Variants in MAF observed in about 807,000 individuals in gnomAD.
The protein encoded by MAF is MAF bZIP transcription factor, also known as transcription factor Maf.
In MAF, 10 loss-of-function variants were observed where a neutral mutation model predicts 22.0. The ratio of observed to expected loss-of-function variants is 0.45; its 90% CI spans 0.28 to 0.77. The LOEUF (loss-of-function observed/expected upper bound fraction) is 0.77. Ranked by LOEUF, MAF falls within the 30% of genes least tolerant of loss-of-function variation. MAF has a pLI of 0.12. For synonymous variants in MAF, 337 were observed against 255.8 expected (o/e 1.32, Z -3.03); for missense variants, 544 against 548.4 (o/e 0.99, Z 0.08).
the MAF span, among the ~76,000 whole-genome samples, chr16:79,399,377 G>T: frequency 6.6e-6 from 1 of 152,186 alleles, no homozygotes; most frequent in Non-Finnish European, 1.5e-5. Flanking sequence ...AGGGAGCACT[G>T]CTCACCCTTT....
chr16:79,405,322 G>A, the MAF span, among the ~76,000 whole-genome samples: 1 of 152,202 alleles, frequency 6.6e-6, no homozygotes, highest in Non-Finnish European at 1.5e-5. Flanking sequence ...TCCTCTGGGT[G>A]AAGAAATTCA....
the MAF span, among the ~76,000 whole-genome samples, chr16:79,222,377 A>G: frequency 6.6e-6 from 1 of 152,222 alleles, no homozygotes; most frequent in Non-Finnish European, 1.5e-5. Context: ...CAGCCACTGC[A>G]AAAAGATACC....
At chr16:79,405,645 C>T in the MAF span, among the ~76,000 whole-genome samples, 1 of 152,092 alleles carries the variant, frequency 6.6e-6, no homozygotes. Flanking sequence ...ACATTTAGGT[C>T]CTGAAGAAAG....
the MAF span, among the ~76,000 whole-genome samples, chr16:79,321,659 T>C: frequency 7.0e-6 from 1 of 142,820 alleles, no homozygotes; most frequent in Non-Finnish European, 1.5e-5. Flanking sequence ...TTTTTTTTTT[T>C]TTTTTTTTTG....
the MAF span, chr16:79,205,506 T>G: frequency 6.6e-6 from 1 of 152,236 alleles, no homozygotes; most frequent in Non-Finnish European, 1.5e-5. Flanking sequence ...AGAGTTGGCA[T>G]GGGATCTAAA....
chr16:79,558,298 G>A, the MAF span, among the ~76,000 whole-genome samples: 17 of 152,058 alleles, frequency 1.1e-4, no homozygotes, highest in African/African-American at 4.1e-4. Context: ...AGAGAAAGAA[G>A]AAAGAAGGAA....
chr16:79,239,068 T>C, the MAF span, among the ~76,000 whole-genome samples: 378 of 152,164 alleles, frequency 2.5e-3, 2 homozygotes, highest in African/African-American at 8.7e-3. Flanking sequence ...CTCCCACTGT[T>C]GTAGTTTGCA....
the MAF span, among the ~76,000 whole-genome samples, chr16:79,295,605 A>C: frequency 1.3e-5 from 2 of 152,222 alleles, no homozygotes; most frequent in Non-Finnish European, 2.9e-5. Flanking sequence ...AAATTATGTA[A>C]TGAGGCAGCT....
the MAF span, among the ~76,000 whole-genome samples, chr16:79,211,237 C>A: frequency 2.2e-4 from 34 of 152,208 alleles, no homozygotes; most frequent in South Asian, 7.1e-3. Flanking sequence ...TTACATTATA[C>A]ATGGAGAAGT....
chr16:79,297,354 C>G, the MAF span, among the ~76,000 whole-genome samples: 2 of 152,274 alleles, frequency 1.3e-5, no homozygotes, highest in African/African-American at 4.8e-5. Context: ...ATTGATTCAG[C>G]ATTTAATGAA....
chr16:79,508,618 C>T, the MAF span, among the ~76,000 whole-genome samples: 1 of 152,228 alleles, frequency 6.6e-6, no homozygotes, highest in African/African-American at 2.4e-5. Context: ...CAACAGCTAC[C>T]ATCCTACCAG....
At chr16:79,289,834 G>C in the MAF span, among the ~76,000 whole-genome samples, 1 of 146,670 alleles carries the variant, frequency 6.8e-6, no homozygotes, top group African/African-American at 2.5e-5. Context: ...ATGAACAAAA[G>C]GCAGGATGTT....
At chr16:79,471,122 C>G in the MAF span, among the ~76,000 whole-genome samples, 2 of 152,308 alleles carry the variant, frequency 1.3e-5, no homozygotes, top group East Asian at 3.9e-4. Flanking sequence ...ACCTGGCCTG[C>G]CTTCCTGCTG....
chr16:79,584,827 G>C (rs1195491403), downstream of MAF, among the ~76,000 whole-genome samples: 1 of 152,112 alleles, frequency 6.6e-6, no homozygotes, highest in Non-Finnish European at 1.5e-5. Context: ...TCACAATCCA[G>C]TAATTTAAAG....
the MAF span, among the ~76,000 whole-genome samples, chr16:79,246,839 T>G: frequency 6.6e-6 from 1 of 152,150 alleles, no homozygotes; most frequent in Admixed American, 6.5e-5. Flanking sequence ...CATCCATCCA[T>G]CCATCCATCC....
chr16:79,552,192 T>C, the MAF span, among the ~76,000 whole-genome samples: 1 of 151,122 alleles, frequency 6.6e-6, no homozygotes, highest in East Asian at 2.0e-4. Flanking sequence ...CTTGTTCTTC[T>C]GAACCTTGGC....
chr16:79,437,347 G>A, the MAF span, among the ~76,000 whole-genome samples: 44 of 152,254 alleles, frequency 2.9e-4, no homozygotes, highest in South Asian at 3.5e-3. Context: ...ACATGAAGAC[G>A]TACATTACAG....
the MAF span, among the ~76,000 whole-genome samples, chr16:79,326,138 A>G: frequency 6.6e-6 from 1 of 152,226 alleles, no homozygotes; most frequent in South Asian, 2.1e-4. Context: ...TGAAGACTTC[A>G]ATAATTTATT....
chr16:79,370,354 C>G, the MAF span, among the ~76,000 whole-genome samples: 1 of 152,020 alleles, frequency 6.6e-6, no homozygotes, highest in African/African-American at 2.4e-5. Flanking sequence ...CCTTAAAACA[C>G]CCCCAAAATC....
Sources: gnomAD v4.1 joint callset for allele counts (sites outside exome capture counted in the v4.1 genomes callset) on GRCh38, gnomAD v4.1.1 for gene constraint, MANE v1.5 for transcripts, NCBI Gene and HGNC (gene_info 2026-07-23, HGNC 2026-07-21) for gene names.